ARHGEF38: variants seen among roughly 807,000 people sequenced by gnomAD.
ARHGEF38 encodes Rho guanine nucleotide exchange factor (GEF) 38.
In ARHGEF38, 79 loss-of-function variants were observed where a neutral mutation model predicts 79.9. The ratio of observed to expected loss-of-function variants is 0.99; its 90% confidence interval spans 0.82 to 1.19. The LOEUF (loss-of-function observed/expected upper bound fraction) is 1.19. ARHGEF38 is among the 50% of genes most tolerant of loss of function. The pLI, the probability that ARHGEF38 is intolerant of heterozygous loss-of-function variation, is 0.00. For synonymous variants in ARHGEF38, 366 were observed against 328.3 expected (o/e 1.11, Z -1.24); for missense variants, 962 against 907.2 (o/e 1.06, Z -0.78).
At chr4:105,588,584 C>T (rs1403807642) in intron 1 of ARHGEF38, among the ~76,000 whole-genome samples, 1 of 152,168 alleles carries the variant, frequency 6.6e-6, no homozygotes, top group Non-Finnish European at 1.5e-5. Flanking sequence ...TCATTATCTC[C>T]CCAGTACTGT....
chr4:105,566,610 A>AT (rs962202429), intron 1 of ARHGEF38, among the ~76,000 whole-genome samples: 16 of 151,934 alleles, frequency 1.1e-4, no homozygotes, highest in African/African-American at 3.4e-4. Flanking sequence ...CAATTAAATT[A>AT]TTTTTTTATT....
intron 1 of ARHGEF38, among the ~76,000 whole-genome samples, chr4:105,561,205 TG>T (rs1377663605): frequency 3.9e-5 from 6 of 151,952 alleles, no homozygotes; most frequent in Admixed American, 3.9e-4. Flanking sequence ...CTGTGCAACA[TG>T]GTGAGACCCT....
At chr4:105,660,900 T>C (rs1247042740) in intron 10 of ARHGEF38, among the ~76,000 whole-genome samples, 1 of 152,228 alleles carries the variant, frequency 6.6e-6, no homozygotes, top group African/African-American at 2.4e-5. Flanking sequence ...TTTTAGTATA[T>C]TCACAAGAGT....
rs184244939 is a variant in ARHGEF38 at position 105,620,575 on chromosome 4, T to G, written c.508+7068T>G. 2.3e-3 allele frequency among the ~76,000 whole-genome samples: 348 copies of G among 152,294 alleles called. 4 individuals carry two copies. Among genetic ancestry groups the G allele is most frequent in the South Asian group, 3.7e-3 (18 of 4,828 alleles). ...GTAACAAGTGAATAAAATGTGACTT[T>G]TTCTTAGAGGTCCTGATCATGTTTT... On this transcript the variant is annotated intron_variant, in intron 3 of 13. Transcript: ENST00000420470.
Position 105,623,166 on chromosome 4 carries a change from G to A in ARHGEF38, c.509-7732G>A, listed in dbSNP as rs150558581. ...TTCTTGTCTGTTTTATGACTGTTGT[G>A]TCACCAGCACCCAGAACAGTGTCTT... On this transcript the variant is annotated intron_variant, in intron 3 of 13. Coordinates refer to ENST00000420470, the MANE Select transcript of ARHGEF38 (RefSeq NM_001242729.2). Among the ~76,000 whole-genome samples, 891 of 152,290 alleles carry A rather than the reference G, an allele frequency of 5.9e-3. 12 individuals are homozygous for A. Among genetic ancestry groups the A allele is most frequent in the African/African-American group, 0.02 (835 of 41,560 alleles).
intron 1 of ARHGEF38, among the ~76,000 whole-genome samples, chr4:105,558,039 T>C (rs547035390): frequency 2.0e-5 from 3 of 152,282 alleles, no homozygotes; most frequent in South Asian, 2.1e-4. Context: ...TGGTACCTTC[T>C]ATTTTTGCAA....
Position 105,561,539 on chromosome 4 carries a change from A to AGAATAGAATAGAATG in ARHGEF38, c.196+8581_196+8582insTAGAATAGAATGGAA, listed in dbSNP as rs1459477083. ...AGAATAGAATAGAATAGAATAGAAT[A>AGAATAGAATAGAATG]GAAAAGTTTCTTTCCCCAGATCTCT... On this transcript the variant is annotated intron_variant, in intron 1 of 13. Transcript: ENST00000420470. The AGAATAGAATAGAATG allele has an allele frequency of 4.1e-5, 6 of 146,516 alleles. 1 individual carries two copies. The highest frequency in any genetic ancestry group is 9.2e-5 in the Non-Finnish European group (6 of 65,052). The allele number at this position is 146,516 out of a possible 1,614,324, so 9.1% of individuals were successfully genotyped here. A position where few individuals can be genotyped will look rare whatever the true frequency, so the allele number is the denominator to read the frequency against.
intron 1 of ARHGEF38, among the ~76,000 whole-genome samples, chr4:105,561,820 C>A (rs1560685232): frequency 6.6e-6 from 1 of 152,094 alleles, no homozygotes; most frequent in East Asian, 1.9e-4. Context: ...CTCAAAGAAG[C>A]AGTTAGACCT....
rs533554629 is a variant in ARHGEF38 at position 105,615,951 on chromosome 4, G to A, written c.508+2444G>A. Among the ~76,000 whole-genome samples the A allele has an allele frequency of 1.4e-4, 21 of 152,226 alleles. No individual in the cohort carries two copies. In the South Asian group the frequency reaches 2.9e-3, roughly 21 times the overall value. ...GGATGTGTTGGATGCTGCAGACCCC[G>A]CCATCTACTGGGTGTAGCAGCTAGT... On this transcript the variant is annotated intron_variant, in intron 3 of 13. Transcript: ENST00000420470.
intron 1 of ARHGEF38, among the ~76,000 whole-genome samples, chr4:105,555,595 G>C (rs1348672379): frequency 6.6e-6 from 1 of 152,152 alleles, no homozygotes; most frequent in Non-Finnish European, 1.5e-5. Flanking sequence ...GGACTGGTTA[G>C]AGCCCTCAGA....
intron 1 of ARHGEF38, among the ~76,000 whole-genome samples, chr4:105,577,031 G>A (rs1200856502): frequency 1.3e-5 from 2 of 151,356 alleles, no homozygotes; most frequent in African/African-American, 4.9e-5. Context: ...ATTTTATTGA[G>A]AATTTTGCAT....
chr4:105,645,130 G>A, intron 5 of ARHGEF38, 58 bp from the exon 6 acceptor site: 1 of 1,162,920 alleles, frequency 8.6e-7, no homozygotes, highest in Admixed American at 3.8e-5. Flanking sequence ...ACACAAAAAT[G>A]AAAATGTGTT....
rs1192121021 is a variant in ARHGEF38, at chr4:105,655,659, C to T, written c.1170C>T (p.Asn390=). The T allele has an allele frequency of 6.5e-7, 1 of 1,535,758 alleles. No individual in the cohort carries two copies. The highest frequency in any genetic ancestry group is 2.0e-5 in the Admixed American group (1 of 50,956). ...TGGACCTTCAGGAGATTTCATACAA[C>T]AAAGACGATGAGATGGACTATTCTG... ...SVMDLQEISY[N]KDDEMDYSET... Residue 390 remains asparagine (N), a synonymous_variant, in exon 9 of 14, where the codon AAC becomes AAT. Transcript: ENST00000420470.
intron 10 of ARHGEF38, among the ~76,000 whole-genome samples, chr4:105,664,965 G>C (rs948436983): frequency 1.8e-4 from 27 of 151,998 alleles, no homozygotes; most frequent in Non-Finnish European, 3.5e-4. Flanking sequence ...GAATCCATTT[G>C]GAAGCCAGAG....
In ARHGEF38 at chr4:105,680,862, T is replaced by C. The variant is rs1414429901; in HGVS notation, c.*2925T>C. ...CACGTATTTTCCATGATGGGATAAA[T>C]GTTTTCATTTCAAGTGCCAATGTGT... On this transcript the variant is annotated 3_prime_UTR_variant, in exon 14 of 14. Transcript: ENST00000420470. 6.6e-6 allele frequency: 1 copy of C among 152,220 alleles called. No individual in the cohort carries two copies. Among genetic ancestry groups the C allele is most frequent in the East Asian group, 1.9e-4 (1 of 5,200 alleles). 9.4% of individuals were successfully genotyped at this position (152,220 alleles called of 1,614,324 possible).
At chr4:105,637,421 C>T (rs906493711) in intron 5 of ARHGEF38, among the ~76,000 whole-genome samples, 8 of 152,078 alleles carry the variant, frequency 5.3e-5, no homozygotes, top group Non-Finnish European at 7.4e-5. Context: ...TTTTCTTTTC[C>T]TTTCTTTTTT....
intron 1 of ARHGEF38, among the ~76,000 whole-genome samples, chr4:105,562,057 C>G (rs546889731): frequency 1.3e-5 from 2 of 152,240 alleles, no homozygotes; most frequent in Admixed American, 6.5e-5. Flanking sequence ...CTTGGTGATA[C>G]AGGGAGGGCA....
In ARHGEF38 at chr4:105,616,217, T is replaced by G. The variant is rs954621792; in HGVS notation, c.508+2710T>G. Among the ~76,000 whole-genome samples the G allele has an allele frequency of 3.4e-4, 51 of 152,198 alleles. 1 individual carries two copies. Among genetic ancestry groups the G allele is most frequent in the Admixed American group, 1.1e-3 (17 of 15,268 alleles). ...CTCTTTTACAAATTTTTTGGTTATGTTTCATTCTGAAATAAACCTTTTCAG... is the reference window on the plus strand; with the variant it reads ...CTCTTTTACAAATTTTTTGGTTATGGTTCATTCTGAAATAAACCTTTTCAG... On this transcript the variant is annotated intron_variant, in intron 3 of 13. Transcript: ENST00000420470.
chr4:105,625,463 G>A (rs886661040), intron 3 of ARHGEF38, among the ~76,000 whole-genome samples: 12 of 152,196 alleles, frequency 7.9e-5, no homozygotes, highest in African/African-American at 1.9e-4. Context: ...AGAGCTGTAC[G>A]GCAGCTCTGC....
Sources: gnomAD v4.1 joint callset for allele counts (sites outside exome capture counted in the v4.1 genomes callset) on GRCh38, gnomAD v4.1.1 for gene constraint, MANE v1.5 for transcripts, NCBI Gene and HGNC (gene_info 2026-07-23, HGNC 2026-07-21) for gene names.